Variants in SLC24A4 observed in about 807,000 individuals in gnomAD.
The protein encoded by SLC24A4 is sodium/potassium/calcium exchanger 4.
A neutral mutation model predicts 79.0 loss-of-function variants in SLC24A4; 53 were observed. The ratio of observed to expected loss-of-function variants is 0.67; its 90% CI spans 0.54 to 0.84. SLC24A4 has a LOEUF of 0.84. Among genes scored for constraint, SLC24A4 ranks in the 40% least tolerant of loss-of-function variants. The probability of loss-of-function intolerance (pLI) is 0.00; values close to 1 mark genes in which losing one functional copy is unlikely to be tolerated. For synonymous variants in SLC24A4, 323 were observed against 323.8 expected, an observed-to-expected ratio of 1.00 and a Z score of 0.03; for missense variants, 731 against 822.0, an observed-to-expected ratio of 0.89 and a Z score of 1.35.
intron 2 of SLC24A4, among the ~76,000 whole-genome samples, chr14:92,328,439 G>A (rs1885276816): frequency 6.6e-6 from 1 of 152,240 alleles, no homozygotes; most frequent in African/African-American, 2.4e-5. Context: ...GTGCACAGAG[G>A]AGGATGCGCT....
chr14:92,438,895 C>T (rs865851426), intron 3 of SLC24A4, among the ~76,000 whole-genome samples: 1 of 152,202 alleles, frequency 6.6e-6, no homozygotes, highest in East Asian at 1.9e-4. Flanking sequence ...CCAACCCGCT[C>T]ATCCTGCCTT....
chr14:92,348,489 C>T (rs896603196), intron 2 of SLC24A4, among the ~76,000 whole-genome samples: 10 of 152,192 alleles, frequency 6.6e-5, no homozygotes, highest in African/African-American at 2.4e-4. Flanking sequence ...TTTGTCAACC[C>T]TGGGCCATAG....
At chr14:92,369,532 C>T (rs746030377) in intron 2 of SLC24A4, among the ~76,000 whole-genome samples, 10 of 152,000 alleles carry the variant, frequency 6.6e-5, no homozygotes, top group African/African-American at 1.2e-4. Context: ...GATCCAGAAC[C>T]GGAAAAAATA....
Position 92,464,542 on chromosome 14 carries a change from T to C in SLC24A4, c.1255+7934T>C, listed in dbSNP as rs1377497034. 2.0e-5 allele frequency among the ~76,000 whole-genome samples: 3 copies of C among 152,128 alleles called. No homozygotes were observed. The East Asian group carries it at 5.8e-4, about 29-fold the overall frequency. On this transcript the variant is annotated intron_variant, in intron 12 of 16. Coordinates refer to ENST00000532405, the MANE Select transcript of SLC24A4 (RefSeq NM_153646.4). ...ATGCTAAAAGAGGGATTTTTAAAAA[T>C]AAGTTTACAGGGGTGTGCTGATGCT...
intron 2 of SLC24A4, among the ~76,000 whole-genome samples, chr14:92,358,864 T>C (rs943752087): frequency 6.6e-6 from 1 of 152,018 alleles, no homozygotes; most frequent in African/African-American, 2.4e-5. Flanking sequence ...TTGTGTTTTT[T>C]TAGTAGAGAT....
chr14:92,423,559 T>C (rs182335856), intron 2 of SLC24A4, among the ~76,000 whole-genome samples: 6 of 152,276 alleles, frequency 3.9e-5, no homozygotes, highest in African/African-American at 1.4e-4. Context: ...CTTAACCTAG[T>C]GCAGGAGAAA....
At chr14:92,453,585 G>A (rs1893276402) in intron 10 of SLC24A4, 1 of 257,352 alleles carries the variant, frequency 3.9e-6, no homozygotes, top group Non-Finnish European at 7.3e-6. Context: ...CTTAGATAAC[G>A]AACTGAAAGA....
At chr14:92,401,052 C>A (rs1398173539) in intron 2 of SLC24A4, among the ~76,000 whole-genome samples, 2 of 152,104 alleles carry the variant, frequency 1.3e-5, no homozygotes, top group African/African-American at 4.8e-5. Flanking sequence ...ACACAAGGCA[C>A]CCAGTATCTG....
intron 2 of SLC24A4, among the ~76,000 whole-genome samples, chr14:92,400,999 A>G (rs898714660): frequency 6.6e-6 from 1 of 152,186 alleles, no homozygotes; most frequent in Non-Finnish European, 1.5e-5. Context: ...AGTGAAAGAG[A>G]TTCTTCTGAA....
At chr14:92,453,485 T>C (rs60590676) in intron 10 of SLC24A4, 4,334 of 157,068 alleles carry the variant, frequency 0.028, 200 homozygotes, top group African/African-American at 0.1. Context: ...TCTGAGCCTC[T>C]GTACGTGGGG....
At chr14:92,404,574 C>T (rs948329125) in intron 2 of SLC24A4, among the ~76,000 whole-genome samples, 3 of 152,212 alleles carry the variant, frequency 2.0e-5, no homozygotes, top group African/African-American at 7.2e-5. Context: ...TCCCTGATAT[C>T]CTCCACCTAC....
rs566680442 is a variant in SLC24A4 at position 92,483,676 on chromosome 14, C to T, written c.1422+830C>T. On this transcript the variant is annotated intron_variant, in intron 13 of 16. Transcript: ENST00000532405. ...CAGGCCACACAGGAGCCTCCTTCCC[C>T]ACTCTCTGTATACCACCTAATGGGG... 3.2e-6 allele frequency: 4 copies of T among 1,242,800 alleles called. No individual in the cohort carries two copies. In the East Asian group the frequency reaches 2.2e-4, roughly 70 times the overall value. 77.0% of individuals were successfully genotyped at this position (1,242,800 alleles called of 1,614,324 possible). A position where few individuals can be genotyped will look rare whatever the true frequency, so the allele number is the denominator to read the frequency against.
At chr14:92,388,797 T>A (rs1889308773) in intron 2 of SLC24A4, among the ~76,000 whole-genome samples, 1 of 152,102 alleles carries the variant, frequency 6.6e-6, no homozygotes, top group Non-Finnish European at 1.5e-5. Context: ...GGTATGCAGG[T>A]ATTTGAGGCA....
At chr14:92,334,546 C>T (rs1175467790) in intron 2 of SLC24A4, among the ~76,000 whole-genome samples, 2 of 152,142 alleles carry the variant, frequency 1.3e-5, no homozygotes, top group African/African-American at 2.4e-5. Flanking sequence ...ATTCTCCCTC[C>T]CTCTCTCTCT....
intron 2 of SLC24A4, among the ~76,000 whole-genome samples, chr14:92,338,803 T>C (rs566190395): frequency 6.6e-6 from 1 of 152,236 alleles, no homozygotes; most frequent in South Asian, 2.1e-4. Flanking sequence ...GTTTAGCTCA[T>C]GGCAGATTGC....
intron 2 of SLC24A4, among the ~76,000 whole-genome samples, chr14:92,411,625 C>T (rs963227460): frequency 3.3e-5 from 5 of 152,108 alleles, no homozygotes; most frequent in Admixed American, 1.3e-4. Context: ...ACCCCTTGGC[C>T]GGTGGAGGAG....
At position 92,444,932 on chromosome 14, in the gene SLC24A4, T is replaced by TACACAC. The variant is rs10548937; in HGVS notation, c.658-350_658-345dup. ...CACACACACCCTATATACACACACATACACACACACACACACACACACACA... is the reference window on the plus strand; with the variant it reads ...CACACACACCCTATATACACACACATACACACACACACACACACACACACACACACA... On this transcript the variant is annotated intron_variant, in intron 7 of 16. Coordinates refer to ENST00000532405, the MANE Select transcript of SLC24A4 (RefSeq NM_153646.4). Among the ~76,000 whole-genome samples the TACACAC allele has an allele frequency of 2.8e-3, 394 of 142,936 alleles. 1 individual carries two copies. The highest frequency in any genetic ancestry group is 3.1e-3 in the Non-Finnish European group (201 of 64,276). The allele number at this position is 142,936 out of a possible 152,430, so 93.8% of individuals were successfully genotyped here.
At chr14:92,380,925 T>C (rs961792315) in intron 2 of SLC24A4, among the ~76,000 whole-genome samples, 2 of 152,146 alleles carry the variant, frequency 1.3e-5, no homozygotes. Context: ...GAAGGGAATG[T>C]ACTCTTCCTT....
At chr14:92,464,730 T>C (rs1292423202) in intron 12 of SLC24A4, among the ~76,000 whole-genome samples, 1 of 152,154 alleles carries the variant, frequency 6.6e-6, no homozygotes, top group African/African-American at 2.4e-5. Context: ...GCAGATACAC[T>C]GGAAGGAGGC....
Sources: allele counts gnomAD v4.1 joint callset (sites outside exome capture counted in the v4.1 genomes callset), GRCh38; gene constraint gnomAD v4.1.1; transcripts MANE v1.5; gene names NCBI Gene and HGNC (gene_info 2026-07-23, HGNC 2026-07-21).